Variants in GLIS3 observed in about 807,000 individuals in gnomAD.
GLIS3 encodes the protein GLIS family zinc finger 3.
A neutral mutation model predicts 78.6 loss-of-function variants in GLIS3; 53 were observed. That is an observed-to-expected ratio of 0.67 (90% confidence interval 0.54 to 0.85). The LOEUF (loss-of-function observed/expected upper bound fraction) is 0.85, where lower values mean the gene tolerates loss of function less well. Among genes scored for constraint, GLIS3 ranks in the 40% least tolerant of loss-of-function variants. GLIS3 has a pLI of 0.00. For synonymous variants in GLIS3, 684 were observed against 509.9 expected (o/e 1.34, Z -4.60); for missense variants, 1,703 against 1,231.1 (o/e 1.38, Z -5.74).
the GLIS3 span, among the ~76,000 whole-genome samples, chr9:4,436,803 T>A: frequency 7.6e-5 from 7 of 92,224 alleles, no homozygotes; most frequent in Admixed American, 1.0e-3. Flanking sequence ...AGAGTGAGAC[T>A]GCATCTCAAA....
In GLIS3 at chr9:4,118,828, C is replaced by T. The variant is rs1182481230; in HGVS notation, c.650G>A (p.Ser217Asn). 6.2e-7 allele frequency: 1 copy of T among 1,606,618 alleles called. No individual in the cohort carries two copies. ...CTGCTTCATGCTTGAGGCCGACTGA[C>T]TTTCCGTCAGACTCAAGGTCGTGGA... The part of the protein sequence containing the change: ...LASTTLSLTE[S>N]QSASSMKQEW... The change falls in exon 4 of 11, where the codon AGT becomes AAT. Residue 217 changes from serine (S) to asparagine (N), a missense_variant. Coordinates refer to ENST00000381971, the MANE Select transcript of GLIS3 (RefSeq NM_001042413.2). This position sits in a 1 kb window ranked among gnomAD's most constrained non-coding sequence, Gnocchi z 4.7.
the GLIS3 span, among the ~76,000 whole-genome samples, chr9:4,442,393 T>C: frequency 3.9e-5 from 6 of 152,084 alleles, no homozygotes; most frequent in East Asian, 7.7e-4. Context: ...TTTTTGAAAG[T>C]TCTCTGGCTT....
the GLIS3 span, among the ~76,000 whole-genome samples, chr9:4,379,130 C>A: frequency 6.6e-6 from 1 of 152,146 alleles, no homozygotes; most frequent in Non-Finnish European, 1.5e-5. Context: ...TGTAGGAAGG[C>A]GGATATGTTG....
intron 6 of GLIS3, among the ~76,000 whole-genome samples, chr9:3,908,856 T>C (rs1021315232): frequency 6.6e-6 from 1 of 152,016 alleles, no homozygotes; most frequent in Non-Finnish European, 1.5e-5. Context: ...GTGGAAATAA[T>C]TAGGAAAGGG....
chr9:3,897,533 C>G (rs1309248434), intron 7 of GLIS3, among the ~76,000 whole-genome samples: 1 of 152,050 alleles, frequency 6.6e-6, no homozygotes, highest in Admixed American at 6.5e-5. Context: ...TACCTGAAAC[C>G]TCTGTAAGTT....
intron 4 of GLIS3, among the ~76,000 whole-genome samples, chr9:4,022,406 A>G (rs945786768): frequency 2.0e-5 from 3 of 152,226 alleles, no homozygotes; most frequent in African/African-American, 7.2e-5. Flanking sequence ...AAAAATCCTT[A>G]TCCAGTCCCC....
chr9:4,148,365 C>T (rs7042056), intron 2 of GLIS3, among the ~76,000 whole-genome samples: 21 of 152,000 alleles, frequency 1.4e-4, no homozygotes, highest in African/African-American at 5.1e-4. Flanking sequence ...CACATCCCCA[C>T]GTCCCCATAC....
chr9:3,910,253 T>C (rs1302721122), intron 6 of GLIS3, among the ~76,000 whole-genome samples: 1 of 152,254 alleles, frequency 6.6e-6, no homozygotes, highest in Non-Finnish European at 1.5e-5. Context: ...TGTAGTATCA[T>C]AGAATTTCAG....
chr9:4,073,652 G>C (rs1278365686), intron 4 of GLIS3, among the ~76,000 whole-genome samples: 1 of 152,074 alleles, frequency 6.6e-6, no homozygotes, highest in Non-Finnish European at 1.5e-5. Flanking sequence ...CTCCCTCAAA[G>C]AACTCCTCCC....
rs927886890 is a variant in GLIS3, at chr9:3,977,641, A to T, written c.1711-40452T>A. Among the ~76,000 whole-genome samples, 1 of 152,228 alleles carries T rather than the reference A, an allele frequency of 6.6e-6. No individual in the cohort carries two copies. The highest frequency in any genetic ancestry group is 2.4e-5 in the African/African-American group (1 of 41,460). On this transcript the variant is annotated intron_variant, in intron 4 of 10. Transcript: ENST00000381971. The surrounding 1 kb of genome is among the most constrained non-coding windows in gnomAD (Gnocchi z 4.1). ...CGATTTTAATTAGACGGCTTAAAGCAGCCACATCAATAATGGCAGAATGAC... is the reference window on the plus strand; with the variant it reads ...CGATTTTAATTAGACGGCTTAAAGCTGCCACATCAATAATGGCAGAATGAC...
intron 6 of GLIS3, among the ~76,000 whole-genome samples, chr9:3,904,096 A>G (rs1823502686): frequency 6.6e-6 from 1 of 152,166 alleles, no homozygotes; most frequent in Admixed American, 6.5e-5. Context: ...GAGAGCCCAT[A>G]TGAGCTGTGA....
intron 2 of GLIS3, among the ~76,000 whole-genome samples, chr9:4,216,681 C>A (rs1357279465): frequency 6.6e-6 from 1 of 152,066 alleles, no homozygotes; most frequent in Non-Finnish European, 1.5e-5. Flanking sequence ...CCCAATATGC[C>A]TATGCCTTCC....
intron 1 of GLIS3, among the ~76,000 whole-genome samples, chr9:4,292,780 C>G (rs940674653): frequency 2.6e-5 from 4 of 152,186 alleles, no homozygotes; most frequent in Non-Finnish European, 5.9e-5. Flanking sequence ...TAAAACTCCC[C>G]TCTTACACTG....
At chr9:4,115,650 A>G (rs1318106922) in intron 4 of GLIS3, among the ~76,000 whole-genome samples, 1 of 152,138 alleles carries the variant, frequency 6.6e-6, no homozygotes, top group Non-Finnish European at 1.5e-5. Flanking sequence ...ATGACAATGT[A>G]GCAACCTAAC....
intron 2 of GLIS3, among the ~76,000 whole-genome samples, chr9:4,337,189 AC>A (rs1288427309): frequency 2.0e-5 from 3 of 152,224 alleles, no homozygotes; most frequent in African/African-American, 7.2e-5. Context: ...AAATCATTTA[AC>A]CCCAAAACTC....
At chr9:4,386,635 C>T in the GLIS3 span, 5 of 152,116 alleles carry the variant, frequency 3.3e-5, 1 homozygote, top group East Asian at 3.8e-4. Flanking sequence ...TAAAAGGTCC[C>T]GTTACAGAAT....
chr9:4,410,449 G>C, the GLIS3 span, among the ~76,000 whole-genome samples: 1 of 152,174 alleles, frequency 6.6e-6, no homozygotes, highest in African/African-American at 2.4e-5. Context: ...AAAATATTAG[G>C]ATTTTAAGTA....
chr9:4,258,193 AAAC>A (rs1825163076), intron 2 of GLIS3, among the ~76,000 whole-genome samples: 1 of 152,236 alleles, frequency 6.6e-6, no homozygotes, highest in South Asian at 2.1e-4. Context: ...AGAGGGAGGA[AAAC>A]AACATTATTT....
chr9:4,286,250 T>A lies in GLIS3; in HGVS notation c.176A>T (p.His59Leu), dbSNP rs748153235. Residue 59 changes from histidine to leucine, a missense_variant, in exon 2 of 11, where the codon CAT (histidine) becomes CTT (leucine). His to Leu is a moderately conservative substitution (Grantham distance 99). Transcript: ENST00000381971. The part of the protein sequence containing the change: ...PTMASLANNL[H>L]LKMPSGGGMA... ...CCCTCCTCCTGAGGGCATCTTGAGA[T>A]GGAGGTTGTTAGCAAGGCTTGCCAT... 2 of 1,614,198 alleles carry A rather than the reference T, an allele frequency of 1.2e-6. No homozygotes were observed. Among genetic ancestry groups the A allele is most frequent in the South Asian group, 2.2e-5 (2 of 91,082 alleles).
Sources: allele counts gnomAD v4.1 joint callset (sites outside exome capture counted in the v4.1 genomes callset), GRCh38; gene constraint gnomAD v4.1.1; non-coding constraint Gnocchi (gnomAD v3.1); transcripts MANE v1.5; gene names NCBI Gene and HGNC (gene_info 2026-07-23, HGNC 2026-07-21).